Variants in IMMP2L observed in about 807,000 individuals in gnomAD.
IMMP2L encodes inner mitochondrial membrane peptidase subunit 2.
IMMP2L carries 18 observed loss-of-function variants against 19.3 expected under a neutral mutation model. The observed-to-expected ratio is 0.93, with a 90% CI of 0.64 to 1.38. The LOEUF (loss-of-function observed/expected upper bound fraction) is 1.38. Among genes scored for constraint, IMMP2L ranks in the 40% most tolerant of loss-of-function variants. IMMP2L has a pLI of 0.00. For synonymous variants in IMMP2L, 76 were observed against 73.0 expected (o/e 1.04, Z -0.21); for missense variants, 233 against 218.2 (o/e 1.07, Z -0.43).
chr7:110,736,469 G>C (rs1187105999), intron 5 of IMMP2L, among the ~76,000 whole-genome samples: 2 of 152,202 alleles, frequency 1.3e-5, no homozygotes, highest in African/African-American at 4.8e-5. Context: ...TTCAGCCCAG[G>C]AGAGCTGCAG....
chr7:111,182,311 A>C (rs1807798005), intron 3 of IMMP2L, among the ~76,000 whole-genome samples: 1 of 151,982 alleles, frequency 6.6e-6, no homozygotes, highest in African/African-American at 2.4e-5. Flanking sequence ...AGTTTCTATT[A>C]CCTTCAGGTA....
At chr7:111,129,975 T>A in intron 3 of IMMP2L, among the ~76,000 whole-genome samples, 1 of 152,172 alleles carries the variant, frequency 6.6e-6, no homozygotes, top group Non-Finnish European at 1.5e-5. Flanking sequence ...ATTTACAATA[T>A]ACACAGAAGG....
At chr7:111,334,992 T>G (rs1192425682) in intron 3 of IMMP2L, among the ~76,000 whole-genome samples, 3 of 152,048 alleles carry the variant, frequency 2.0e-5, no homozygotes, top group Non-Finnish European at 4.4e-5. Context: ...CAGAGAGCTC[T>G]AACAAGAAGC....
chr7:111,467,141 G>A (rs913693909), intron 3 of IMMP2L, among the ~76,000 whole-genome samples: 7 of 152,236 alleles, frequency 4.6e-5, no homozygotes, highest in Admixed American at 6.5e-5. Flanking sequence ...CCCCTGAGGC[G>A]AGAAGGCCCT....
chr7:111,044,648 C>T (rs1043484774), intron 3 of IMMP2L, among the ~76,000 whole-genome samples: 1 of 152,186 alleles, frequency 6.6e-6, no homozygotes, highest in African/African-American at 2.4e-5. Context: ...TGTCAATCTA[C>T]TGTCATATTT....
intron 3 of IMMP2L, among the ~76,000 whole-genome samples, chr7:111,024,330 T>C (rs975813674): frequency 1.3e-5 from 2 of 152,196 alleles, no homozygotes; most frequent in East Asian, 3.8e-4. Context: ...TGATCAGGAC[T>C]CAGCTGACTA....
chr7:110,753,884 C>T (rs953001430), intron 5 of IMMP2L, among the ~76,000 whole-genome samples: 1 of 151,820 alleles, frequency 6.6e-6, no homozygotes, highest in Non-Finnish European at 1.5e-5. Flanking sequence ...GTTCAGGAAT[C>T]ATTATGGCAA....
At chr7:110,853,983 G>C (rs1806499491) in intron 5 of IMMP2L, among the ~76,000 whole-genome samples, 1 of 151,838 alleles carries the variant, frequency 6.6e-6, no homozygotes. Flanking sequence ...TCTCAATTTA[G>C]ACAGAATCAT....
intron 2 of IMMP2L, among the ~76,000 whole-genome samples, chr7:111,507,503 C>CAGATAGTAA (rs1845036237): frequency 6.6e-6 from 1 of 152,068 alleles, no homozygotes; most frequent in African/African-American, 2.4e-5. Flanking sequence ...TTCCAGTCCG[C>CAGATAGTAA]AGTAACAGAT....
chr7:111,391,658 T>C (rs1207666958), intron 3 of IMMP2L, among the ~76,000 whole-genome samples: 2 of 152,164 alleles, frequency 1.3e-5, no homozygotes, highest in Non-Finnish European at 2.9e-5. Context: ...GTGAAAATTA[T>C]AGGTAATGCA....
intron 5 of IMMP2L, among the ~76,000 whole-genome samples, chr7:110,784,788 G>A (rs1041031312): frequency 1.3e-5 from 2 of 151,796 alleles, no homozygotes; most frequent in Non-Finnish European, 2.9e-5. Flanking sequence ...GAGTGGGGCT[G>A]GAGAGCAGAT....
chr7:110,933,669 T>C (rs555168124), intron 4 of IMMP2L, among the ~76,000 whole-genome samples: 31 of 152,258 alleles, frequency 2.0e-4, no homozygotes, highest in African/African-American at 7.2e-4. Context: ...TGTTTCCAAT[T>C]TCCTCTCAAA....
chr7:110,689,693 T>C (rs1383283888), intron 5 of IMMP2L, among the ~76,000 whole-genome samples: 1 of 152,182 alleles, frequency 6.6e-6, no homozygotes, highest in Non-Finnish European at 1.5e-5. Flanking sequence ...GTTATGCTTG[T>C]CTTATCTGCT....
chr7:111,497,174 T>C (rs1843675263), intron 2 of IMMP2L, among the ~76,000 whole-genome samples: 1 of 152,132 alleles, frequency 6.6e-6, no homozygotes, highest in African/African-American at 2.4e-5. Context: ...ACATACTACC[T>C]GTAGGAATGA....
intron 3 of IMMP2L, among the ~76,000 whole-genome samples, chr7:111,413,399 A>G (rs38745): frequency 6.6e-6 from 1 of 152,108 alleles, no homozygotes; most frequent in African/African-American, 2.4e-5. Flanking sequence ...GATTACAAAA[A>G]AAAAATAAAA....
At chr7:111,343,714 T>C (rs1380668756) in intron 3 of IMMP2L, among the ~76,000 whole-genome samples, 1 of 151,602 alleles carries the variant, frequency 6.6e-6, no homozygotes, top group Non-Finnish European at 1.5e-5. Flanking sequence ...AGACATAACA[T>C]AGAATAAAAA....
intron 5 of IMMP2L, among the ~76,000 whole-genome samples, chr7:110,694,961 A>C (rs1177240195): frequency 6.6e-6 from 1 of 151,968 alleles, no homozygotes; most frequent in Admixed American, 6.6e-5. Flanking sequence ...AGCTGGACAC[A>C]AAAGGTCATA....
rs183966409 is a variant in IMMP2L, at chr7:110,758,040, G to C, written c.409-94319C>G. ...CTAACCACCAAGTAAATATGAGATA[G>C]GAAGAAAAACTAGAAGAATATGTTG... is the stretch of plus-strand genomic sequence containing the variant. On this transcript the variant is annotated intron_variant, in intron 5 of 5. Coordinates refer to ENST00000405709, the MANE Select transcript of IMMP2L (RefSeq NM_032549.4). This position sits in a 1 kb window ranked among gnomAD's most constrained non-coding sequence, Gnocchi z 4.6. Among the ~76,000 whole-genome samples the C allele has an allele frequency of 6.6e-6, 1 of 152,110 alleles. No individual in the cohort carries two copies. Among genetic ancestry groups the C allele is most frequent in the East Asian group, 1.9e-4 (1 of 5,162 alleles).
intron 5 of IMMP2L, among the ~76,000 whole-genome samples, chr7:110,816,535 C>T (rs1006132138): frequency 6.6e-6 from 1 of 151,546 alleles, no homozygotes; most frequent in Non-Finnish European, 1.5e-5. Context: ...AACTTTCTGT[C>T]TCGTTGATCT....
Sources: gnomAD v4.1 joint callset for allele counts (sites outside exome capture counted in the v4.1 genomes callset) on GRCh38, gnomAD v4.1.1 for gene constraint, Gnocchi (gnomAD v3.1) non-coding constraint, MANE v1.5 for transcripts, NCBI Gene and HGNC (gene_info 2026-07-23, HGNC 2026-07-21) for gene names.